WDFY4: variants seen among roughly 807,000 people sequenced by gnomAD.
WDFY4 encodes the protein WDFY family member 4.
WDFY4 carries 169 observed loss-of-function variants against 351.9 expected under a neutral mutation model. That is an observed-to-expected ratio of 0.48 (90% CI 0.42 to 0.55). The LOEUF (loss-of-function observed/expected upper bound fraction) is 0.55, where lower values mean the gene tolerates loss of function less well. Among genes scored for constraint, WDFY4 ranks in the 20% least tolerant of loss-of-function variants. WDFY4 has a pLI of 0.00. For missense variants in WDFY4, 3,803 were observed against 3,935.6 expected (o/e 0.97, Z 0.90); for synonymous variants, 1,622 against 1,574.6 (o/e 1.03, Z -0.71).
rs1486351168 is a variant in WDFY4, at chr10:48,735,956, C to T, written c.1764C>T (p.Leu588=). 6.4e-7 allele frequency: 1 copy of T among 1,551,820 alleles called. No individual in the cohort carries two copies. The highest frequency in any genetic ancestry group is 8.7e-7 in the Non-Finnish European group (1 of 1,147,046). Residue 588 remains leucine, a synonymous_variant, in exon 11 of 62, where the codon CTC becomes CTT. Transcript: ENST00000325239. The part of the protein sequence containing the change: ...LDDECYREAS[L]SILEQLSAIN... Reference sequence around the variant, plus strand: ...ACGAGTGCTACCGGGAGGCCTCGCTCAGCATCTTGGAGCAGCTCTCAGCCA... The same window carrying T: ...ACGAGTGCTACCGGGAGGCCTCGCTTAGCATCTTGGAGCAGCTCTCAGCCA...
At position 48,710,422 on chromosome 10, in the gene WDFY4, C is replaced by A. The variant is rs182847546; in HGVS notation, c.234+456C>A. 2.3e-3 allele frequency among the ~76,000 whole-genome samples: 350 copies of A among 152,278 alleles called. 1 individual carries two copies. Among genetic ancestry groups the A allele is most frequent in the African/African-American group, 8.1e-3 (335 of 41,558 alleles). ...TGTCACTATATGAATTTTGGGGAGA[C>A]CCTAGCGAGAGTGTCATGCCAAAGA... On this transcript the variant is annotated intron_variant, in intron 2 of 61. Coordinates refer to ENST00000325239, the MANE Select transcript of WDFY4 (RefSeq NM_001394531.1).
At chr10:48,731,633 GGCT>G in intron 9 of WDFY4, 71 bp downstream of exon 9, 1 of 1,461,514 alleles carries the variant, frequency 6.8e-7, no homozygotes, top group Non-Finnish European at 9.1e-7. Flanking sequence ...GGGCCAATCT[GGCT>G]GCCCATCAAA....
At chr10:48,949,749 A>G (rs1433002995) in intron 51 of WDFY4, among the ~76,000 whole-genome samples, 3 of 152,142 alleles carry the variant, frequency 2.0e-5, no homozygotes. Flanking sequence ...AGCAAATGCT[A>G]CCACCCGCCT....
intron 39 of WDFY4, among the ~76,000 whole-genome samples, chr10:48,842,730 G>A (rs2068650556): frequency 6.6e-6 from 1 of 152,146 alleles, no homozygotes; most frequent in Non-Finnish European, 1.5e-5. Context: ...CTGCCATGTT[G>A]TGACTTAAGT....
intron 19 of WDFY4, among the ~76,000 whole-genome samples, chr10:48,785,232 T>C (rs1188441902): frequency 1.3e-5 from 2 of 152,178 alleles, no homozygotes; most frequent in African/African-American, 2.4e-5. Flanking sequence ...TCTATATATA[T>C]ACATATATAT....
chr10:48,776,669 A>G (rs548350740), intron 15 of WDFY4, 81 bp from the exon 16 acceptor site: 23 of 1,301,840 alleles, frequency 1.8e-5, no homozygotes, highest in Middle Eastern at 2.7e-4. Context: ...GGGCTGCGGC[A>G]GATACTTTGG....
intron 51 of WDFY4, among the ~76,000 whole-genome samples, chr10:48,948,022 C>T (rs769652602): frequency 2.6e-5 from 4 of 152,170 alleles, no homozygotes; most frequent in Admixed American, 1.3e-4. Context: ...TTTATGGTCA[C>T]TCAGAGGACC....
At chr10:48,790,675 A>G (rs998611359) in intron 22 of WDFY4, 52 bp from the exon 23 acceptor site, 4 of 1,527,906 alleles carry the variant, frequency 2.6e-6, no homozygotes, top group Non-Finnish European at 3.5e-6. Flanking sequence ...GGAATTTCCC[A>G]TTGCAATGAA....
intron 39 of WDFY4, among the ~76,000 whole-genome samples, chr10:48,857,957 A>T (rs1224331873): frequency 6.6e-6 from 1 of 151,594 alleles, no homozygotes; most frequent in Non-Finnish European, 1.5e-5. Context: ...ATGCCTGGCT[A>T]ATTGTTTTGT....
At chr10:48,962,251 A>C (rs1268549770) in intron 53 of WDFY4, among the ~76,000 whole-genome samples, 1 of 152,106 alleles carries the variant, frequency 6.6e-6, no homozygotes, top group African/African-American at 2.4e-5. Flanking sequence ...ACCTTTCATT[A>C]CCCCTCGTAT....
chr10:48,908,053 G>T (rs902941538), intron 47 of WDFY4, among the ~76,000 whole-genome samples: 2 of 152,202 alleles, frequency 1.3e-5, no homozygotes, highest in Non-Finnish European at 2.9e-5. Flanking sequence ...TCAGACCTTG[G>T]CCGTGGCCCC....
At chr10:48,932,737 G>A (rs1233769803) in intron 47 of WDFY4, 3 of 152,130 alleles carry the variant, frequency 2.0e-5, no homozygotes, top group Non-Finnish European at 4.4e-5. Context: ...AGCTGATGAT[G>A]TGACAGAGAA....
intron 19 of WDFY4, among the ~76,000 whole-genome samples, chr10:48,780,795 G>A (rs528077593): frequency 6.6e-6 from 1 of 152,294 alleles, no homozygotes; most frequent in African/African-American, 2.4e-5. Flanking sequence ...TCCAGGGAGA[G>A]CATCCCAAGC....
intron 12 of WDFY4, among the ~76,000 whole-genome samples, chr10:48,749,917 A>G (rs2065128912): frequency 6.6e-6 from 1 of 152,170 alleles, no homozygotes; most frequent in Non-Finnish European, 1.5e-5. Context: ...ATGTCAGCCA[A>G]AGGAGCAACC....
intron 24 of WDFY4, among the ~76,000 whole-genome samples, chr10:48,797,877 G>A (rs1323584616): frequency 6.6e-6 from 1 of 152,212 alleles, no homozygotes; most frequent in African/African-American, 2.4e-5. Context: ...GATGTTAACT[G>A]TAGAATGATA....
In WDFY4 at chr10:48,826,919, G is replaced by A. The variant is rs2068028150; in HGVS notation, c.6221+10G>A. ...TACTCAATGAGAGAAGGTAAGAGCT[G>A]CCCACTTGTTTCCTTGTCTGCTGGT... On this transcript the variant is annotated intron_variant, in intron 36 of 61. Coordinates refer to ENST00000325239, the MANE Select transcript of WDFY4 (RefSeq NM_001394531.1). The A allele has an allele frequency of 6.5e-7, 1 of 1,548,014 alleles. No homozygotes were observed. The highest frequency in any genetic ancestry group is 8.7e-7 in the Non-Finnish European group (1 of 1,143,810).
intron 49 of WDFY4, among the ~76,000 whole-genome samples, chr10:48,943,956 C>A (rs948481391): frequency 6.6e-6 from 1 of 152,202 alleles, no homozygotes; most frequent in African/African-American, 2.4e-5. Context: ...TGTCCTGGAT[C>A]CCCCTGTGGA....
At chr10:48,873,349 C>T (rs2069858565) in intron 40 of WDFY4, 142 bp from the exon 41 acceptor site, 1 of 930,706 alleles carries the variant, frequency 1.1e-6, no homozygotes, top group East Asian at 2.7e-5. Context: ...GGGTACCCTA[C>T]ACATTCTGAG....
chr10:48,775,589 G>A (rs1464870110), intron 14 of WDFY4, 123 bp from the exon 15 acceptor site: 2 of 861,402 alleles, frequency 2.3e-6, no homozygotes, highest in African/African-American at 3.4e-5. Context: ...TTCAGAAAGG[G>A]TGTTCCAGTG....
Sources: allele counts gnomAD v4.1 joint callset (sites outside exome capture counted in the v4.1 genomes callset), GRCh38; gene constraint gnomAD v4.1.1; transcripts MANE v1.5; gene names NCBI Gene and HGNC (gene_info 2026-07-23, HGNC 2026-07-21).